The following DYM variants were observed in gnomAD, a reference collection of about 807,000 sequenced individuals.
DYM encodes the protein dyggve-Melchior-Clausen syndrome protein.
In DYM, 78 loss-of-function variants were observed where a neutral mutation model predicts 93.1. The observed-to-expected ratio is 0.84, with a 90% CI of 0.70 to 1.01. The LOEUF is 1.01. Among genes scored for constraint, DYM ranks in the 50% least tolerant of loss-of-function variants. The pLI is 0.00. For missense variants in DYM, 789 were observed against 845.0 expected (o/e 0.93, Z 0.82); for synonymous variants, 321 against 319.7 (o/e 1.00, Z -0.04).
intron 17 of DYM, among the ~76,000 whole-genome samples, chr18:49,066,137 A>T (rs1244525223): frequency 6.6e-6 from 1 of 151,382 alleles, no homozygotes; most frequent in African/African-American, 2.4e-5. Flanking sequence ...TTTGCCATAT[A>T]GCAAAAACCA....
At chr18:49,432,718 C>T (rs923176494) in intron 1 of DYM, among the ~76,000 whole-genome samples, 2 of 150,912 alleles carry the variant, frequency 1.3e-5, no homozygotes, top group African/African-American at 4.9e-5. Flanking sequence ...CTCAAGGGAG[C>T]CTCATTGCCT....
At chr18:49,355,549 C>T (rs2147235612) in intron 6 of DYM, among the ~76,000 whole-genome samples, 1 of 149,186 alleles carries the variant, frequency 6.7e-6, no homozygotes, top group Middle Eastern at 3.5e-3. Flanking sequence ...ACACCTACAC[C>T]TACAGGGAAC....
intron 2 of DYM, among the ~76,000 whole-genome samples, chr18:49,415,428 C>CTTT (rs527660269): frequency 5.9e-4 from 80 of 136,566 alleles, no homozygotes; most frequent in Non-Finnish European, 1.2e-3. Flanking sequence ...TTATTTTTAT[C>CTTT]TTTTTTTTTT....
chr18:49,426,548 A>T (rs371726113), intron 2 of DYM, among the ~76,000 whole-genome samples: 9 of 152,090 alleles, frequency 5.9e-5, no homozygotes, highest in African/African-American at 2.2e-4. Flanking sequence ...AGTATAATAA[A>T]AAATAATAAT....
At chr18:49,231,123 C>T (rs944636455) in intron 13 of DYM, among the ~76,000 whole-genome samples, 1 of 152,192 alleles carries the variant, frequency 6.6e-6, no homozygotes, top group Non-Finnish European at 1.5e-5. Flanking sequence ...TAAGATCAAC[C>T]TCATTACTCC....
chr18:49,108,681 C>T (rs770783324), intron 16 of DYM, among the ~76,000 whole-genome samples: 10 of 152,188 alleles, frequency 6.6e-5, no homozygotes, highest in South Asian at 4.1e-4. Flanking sequence ...GAATGGTTCA[C>T]GTGCACTGAT....
At chr18:49,453,752 G>A (rs2082733128) in intron 1 of DYM, among the ~76,000 whole-genome samples, 1 of 152,162 alleles carries the variant, frequency 6.6e-6, no homozygotes, top group South Asian at 2.1e-4. Context: ...AAGCACGAAA[G>A]TTTTACTAAC....
At chr18:49,091,201 C>A (rs1019897143) in intron 17 of DYM, among the ~76,000 whole-genome samples, 1 of 152,112 alleles carries the variant, frequency 6.6e-6, no homozygotes, top group Non-Finnish European at 1.5e-5. Flanking sequence ...CCAGTATGTA[C>A]CAGGTACACT....
In DYM at chr18:49,384,654, G is replaced by A. The variant is rs2147786370; in HGVS notation, c.194-4896C>T. The stretch of plus-strand genomic sequence containing the variant: ...AAAAAAAAAAAGAAGAGAGCAGCCT[G>A]ACATTAAAAGATCTACAAACGACTA... On this transcript the variant is annotated intron_variant, in intron 3 of 17. Transcript: ENST00000675505. Among the ~76,000 whole-genome samples the A allele has an allele frequency of 2.0e-5, 3 of 149,730 alleles. No homozygotes were observed. The Middle Eastern group carries it at 0.01, about 513-fold the overall frequency.
chr18:49,170,961 CA>C (rs1205312711), intron 14 of DYM, among the ~76,000 whole-genome samples: 2 of 151,900 alleles, frequency 1.3e-5, no homozygotes, highest in Non-Finnish European at 2.9e-5. Flanking sequence ...TAAAAGCTGT[CA>C]AATAGTAAAG....
At chr18:49,232,754 G>A (rs1830415154) in intron 13 of DYM, among the ~76,000 whole-genome samples, 1 of 151,558 alleles carries the variant, frequency 6.6e-6, no homozygotes, top group Non-Finnish European at 1.5e-5. Context: ...GATTACAGAT[G>A]CGCGCCACCA....
rs368459417 is a variant in DYM at position 49,142,069 on chromosome 18, G to T, written c.1728+21616C>A. Among the ~76,000 whole-genome samples, 17 of 145,818 alleles carry T rather than the reference G, an allele frequency of 1.2e-4. No individual in the cohort carries two copies. In the East Asian group the frequency reaches 2.6e-3, roughly 22 times the overall value. ...AGTAGACAGGGGTTTCACCATGTTT[G>T]CCAGGATGGTCTCGATCTCCTGACC... On this transcript the variant is annotated intron_variant, in intron 15 of 17. Transcript: ENST00000675505.
At chr18:49,307,943 T>C (rs2061366379) in intron 8 of DYM, among the ~76,000 whole-genome samples, 1 of 152,256 alleles carries the variant, frequency 6.6e-6, no homozygotes, top group African/African-American at 2.4e-5. Flanking sequence ...AAGTGACAGC[T>C]TGGATTCAAA....
chr18:49,114,323 G>GT, intron 16 of DYM, among the ~76,000 whole-genome samples: 1 of 152,192 alleles, frequency 6.6e-6, no homozygotes, highest in Non-Finnish European at 1.5e-5. Context: ...TGTTTATGTG[G>GT]TTTTAAGAAC....
chr18:49,062,738 GAAAAA>G (rs1376887940), intron 17 of DYM, among the ~76,000 whole-genome samples: 1 of 152,212 alleles, frequency 6.6e-6, no homozygotes, highest in East Asian at 1.9e-4. Flanking sequence ...TTCCAGCTTA[GAAAAA>G]CTGACTTCAG....
chr18:49,265,647 G>C (rs1425674092), intron 11 of DYM, among the ~76,000 whole-genome samples: 1 of 151,282 alleles, frequency 6.6e-6, no homozygotes, highest in East Asian at 2.0e-4. Flanking sequence ...GTGTGGTGGC[G>C]GGCGCCTGTA....
rs1169985576 is a variant in DYM at position 49,125,741 on chromosome 18, A to G, written c.1729-6815T>C. Among the ~76,000 whole-genome samples, 8 of 152,236 alleles carry G rather than the reference A, an allele frequency of 5.3e-5. No homozygotes were observed. In the East Asian group the frequency reaches 1.5e-3, roughly 29 times the overall value. ...TCCCCTTAATGCTAGAATCCCTTCT[A>G]TAACATTCATCCCAAGTGGTCAACC... On this transcript the variant is annotated intron_variant, in intron 15 of 17. Transcript: ENST00000675505.
intron 2 of DYM, among the ~76,000 whole-genome samples, chr18:49,415,682 CT>C (rs1449965300): frequency 2.6e-5 from 4 of 151,806 alleles, no homozygotes; most frequent in Admixed American, 6.6e-5. Context: ...AATCCCAGCA[CT>C]TTTGGAGGCT....
At chr18:49,201,560 T>G (rs1451315184) in intron 14 of DYM, among the ~76,000 whole-genome samples, 1 of 152,170 alleles carries the variant, frequency 6.6e-6, no homozygotes, top group Non-Finnish European at 1.5e-5. Flanking sequence ...ATAAAATACA[T>G]GAAATGGCCT....
Sources: allele counts gnomAD v4.1 joint callset (sites outside exome capture counted in the v4.1 genomes callset), GRCh38; gene constraint gnomAD v4.1.1; transcripts MANE v1.5; gene names NCBI Gene and HGNC (gene_info 2026-07-23, HGNC 2026-07-21).